The following RBFOX2 variants were observed in gnomAD, a reference collection of about 807,000 sequenced individuals.
The protein encoded by RBFOX2 is RNA binding protein fox-1 homolog 2.
RBFOX2 carries 10 observed loss-of-function variants against 49.1 expected under a neutral mutation model. The observed-to-expected ratio is 0.20, with a 90% CI of 0.13 to 0.35. RBFOX2 has a LOEUF of 0.35. Ranked by LOEUF, RBFOX2 falls within the 10% of genes least tolerant of loss-of-function variation. RBFOX2 has a pLI of 1.00. For missense variants in RBFOX2, 323 were observed against 486.9 expected (o/e 0.66, Z 3.17); for synonymous variants, 183 against 187.4 (o/e 0.98, Z 0.19).
chr22:36,021,088 C>T (rs1338330249), intron 1 of RBFOX2, among the ~76,000 whole-genome samples: 1 of 151,962 alleles, frequency 6.6e-6, no homozygotes, highest in East Asian at 1.9e-4. Context: ...GAGTTCACGT[C>T]CTTTGTAGGA....
chr22:35,794,296 C>T lies in RBFOX2; in HGVS notation c.253-12550G>A, dbSNP rs77957431. ...GACTTCCTAAGGCCCAGCTCTGTAA[C>T]CAGCTAGCTGTAACTTGCTCAAATC... On this transcript the variant is annotated intron_variant, in intron 2 of 11. Transcript: ENST00000405409. Among the ~76,000 whole-genome samples the T allele has an allele frequency of 3.0e-3, 462 of 152,130 alleles. 1 individual carries two copies. Among genetic ancestry groups the T allele is most frequent in the African/African-American group, 0.01 (433 of 41,506 alleles).
chr22:35,878,039 T>TACACACACAC (rs58181557), intron 1 of RBFOX2, among the ~76,000 whole-genome samples: 51 of 141,252 alleles, frequency 3.6e-4, no homozygotes, highest in Admixed American at 1.9e-3. Flanking sequence ...CTACTACTAC[T>TACACACACAC]ACACACACAC....
chr22:35,780,412 AG>A (rs1348919817), intron 3 of RBFOX2, among the ~76,000 whole-genome samples: 5 of 152,176 alleles, frequency 3.3e-5, no homozygotes, highest in African/African-American at 1.2e-4. Context: ...CTGGGTTAAG[AG>A]TTTGGTCAAA....
At chr22:35,849,623 AG>A (rs2041672451) in intron 1 of RBFOX2, among the ~76,000 whole-genome samples, 1 of 152,168 alleles carries the variant, frequency 6.6e-6, no homozygotes, top group South Asian at 2.1e-4. Context: ...ACATAGCAAA[AG>A]GGAAAAAATC....
chr22:35,839,720 A>G (rs1958386857), intron 1 of RBFOX2, among the ~76,000 whole-genome samples: 1 of 152,256 alleles, frequency 6.6e-6, no homozygotes, highest in South Asian at 2.1e-4. Context: ...GTTTAGAGTA[A>G]CAGCAAAACT....
chr22:35,974,574 C>T (rs867570937), intron 1 of RBFOX2, among the ~76,000 whole-genome samples: 6 of 152,148 alleles, frequency 3.9e-5, no homozygotes, highest in Non-Finnish European at 7.4e-5. Flanking sequence ...GTAATCCCAG[C>T]TACTCAGGAG....
At chr22:35,977,337 TA>T (rs2057221467) in intron 1 of RBFOX2, among the ~76,000 whole-genome samples, 1 of 152,086 alleles carries the variant, frequency 6.6e-6, no homozygotes, top group Admixed American at 6.5e-5. Flanking sequence ...CAACCTTAGG[TA>T]TTTACCCAAG....
At chr22:35,882,454 C>T (rs1242915478) in intron 1 of RBFOX2, among the ~76,000 whole-genome samples, 2 of 152,184 alleles carry the variant, frequency 1.3e-5, no homozygotes, top group Non-Finnish European at 2.9e-5. Flanking sequence ...ATAAACAACG[C>T]TACTGAGTTT....
intron 1 of RBFOX2, 83 bp downstream of exon 1, chr22:36,028,157 T>C: frequency 3.0e-6 from 4 of 1,331,080 alleles, no homozygotes; most frequent in South Asian, 1.8e-5. Flanking sequence ...CCGGAGGCCC[T>C]CCCTCTCTCC....
At chr22:35,799,068 T>C (rs535200077) in intron 2 of RBFOX2, among the ~76,000 whole-genome samples, 1 of 152,296 alleles carries the variant, frequency 6.6e-6, no homozygotes, top group South Asian at 2.1e-4. Context: ...TGCTAGTAAG[T>C]GTTTGTATCC....
intron 1 of RBFOX2, among the ~76,000 whole-genome samples, chr22:35,917,574 A>G (rs534715172): frequency 1.3e-5 from 2 of 152,352 alleles, no homozygotes; most frequent in South Asian, 2.1e-4. Flanking sequence ...TTAGTGTAGC[A>G]GCACATATTT....
intron 1 of RBFOX2, among the ~76,000 whole-genome samples, chr22:35,870,494 CAAAT>C (rs1473207546): frequency 9.2e-5 from 14 of 152,110 alleles, no homozygotes; most frequent in Admixed American, 3.3e-4. Context: ...AACAAACAAA[CAAAT>C]AAATAAAAAG....
chr22:35,846,330 T>TG (rs2041199433), intron 1 of RBFOX2, among the ~76,000 whole-genome samples: 1 of 140,438 alleles, frequency 7.1e-6, no homozygotes. Context: ...ATTTATATAG[T>TG]TGTGTGTGTG....
At chr22:35,918,538 C>T (rs1000286326) in intron 1 of RBFOX2, among the ~76,000 whole-genome samples, 3 of 152,086 alleles carry the variant, frequency 2.0e-5, no homozygotes, top group African/African-American at 4.8e-5. Flanking sequence ...CTTCACTGGA[C>T]GAATCATATA....
intron 1 of RBFOX2, chr22:35,993,542 T>C (rs759608839): frequency 2.6e-5 from 4 of 152,212 alleles, no homozygotes; most frequent in Non-Finnish European, 4.4e-5. Flanking sequence ...AGTCAAAAGC[T>C]TGACTGAAAC....
chr22:35,933,253 C>A (rs1278543887), intron 1 of RBFOX2, among the ~76,000 whole-genome samples: 4 of 151,964 alleles, frequency 2.6e-5, no homozygotes, highest in African/African-American at 9.7e-5. Flanking sequence ...ATAATAAAGC[C>A]CAAGCCACCT....
intron 2 of RBFOX2, among the ~76,000 whole-genome samples, chr22:35,806,318 C>T (rs1268763418): frequency 2.0e-5 from 3 of 151,448 alleles, no homozygotes; most frequent in African/African-American, 7.3e-5. Context: ...AAAAAAACAA[C>T]GTAAGATTGT....
intron 1 of RBFOX2, among the ~76,000 whole-genome samples, chr22:36,009,499 G>A (rs1363022444): frequency 1.3e-5 from 2 of 152,022 alleles, no homozygotes; most frequent in East Asian, 1.9e-4. Flanking sequence ...TCAGCCTACC[G>A]AGTAGCTGGG....
intron 1 of RBFOX2, chr22:35,996,918 C>T (rs1234827941): frequency 2.0e-5 from 3 of 151,260 alleles, no homozygotes; most frequent in East Asian, 2.0e-4. Context: ...GATCTCCACA[C>T]ATCAATCCTG....
Sources: gnomAD v4.1 joint callset for allele counts (sites outside exome capture counted in the v4.1 genomes callset) on GRCh38, gnomAD v4.1.1 for gene constraint, MANE v1.5 for transcripts, NCBI Gene and HGNC (gene_info 2026-07-23, HGNC 2026-07-21) for gene names.